Variants in FSTL4 observed in about 807,000 individuals in gnomAD.
The protein encoded by FSTL4 is follistatin like 4.
In FSTL4, 28 loss-of-function variants were observed where a neutral mutation model predicts 78.2. The ratio of observed to expected loss-of-function variants is 0.36; its 90% CI spans 0.27 to 0.49. The LOEUF (loss-of-function observed/expected upper bound fraction) is 0.49, where lower values mean the gene tolerates loss of function less well. Among genes scored for constraint, FSTL4 ranks in the 20% least tolerant of loss-of-function variants. The pLI is 0.98. For missense variants in FSTL4, 922 were observed against 1,084.9 expected, an observed-to-expected ratio of 0.85 and a Z score of 2.11; for synonymous variants, 422 against 440.5, an observed-to-expected ratio of 0.96 and a Z score of 0.53.
At chr5:133,291,508 G>C (rs948741808) in intron 6 of FSTL4, among the ~76,000 whole-genome samples, 7 of 152,198 alleles carry the variant, frequency 4.6e-5, no homozygotes, top group Admixed American at 3.9e-4. Context: ...TGGCTTACAA[G>C]GCCTAAGATG....
the FSTL4 span, among the ~76,000 whole-genome samples, chr5:133,643,912 G>T: frequency 3.9e-5 from 6 of 152,246 alleles, no homozygotes; most frequent in African/African-American, 1.2e-4. Flanking sequence ...AGCATGCAAA[G>T]AAGACATAAG....
At chr5:133,655,764 T>C in the FSTL4 span, among the ~76,000 whole-genome samples, 1 of 152,144 alleles carries the variant, frequency 6.6e-6, no homozygotes, top group African/African-American at 2.4e-5. Flanking sequence ...TTATTTTAGT[T>C]GGGGTGTTCA....
intron 3 of FSTL4, among the ~76,000 whole-genome samples, chr5:133,466,201 A>G (rs1757703074): frequency 6.6e-6 from 1 of 152,224 alleles, no homozygotes; most frequent in South Asian, 2.1e-4. Context: ...TCTCTTCCCC[A>G]GGGTTCTCAT....
intron 3 of FSTL4, among the ~76,000 whole-genome samples, chr5:133,507,672 G>A (rs528908866): frequency 7.3e-5 from 11 of 151,692 alleles, no homozygotes; most frequent in African/African-American, 1.7e-4. Flanking sequence ...ACAGGCGCCC[G>A]ACACCATGCC....
chr5:133,384,984 C>T (rs1755664503), intron 4 of FSTL4, among the ~76,000 whole-genome samples: 1 of 152,220 alleles, frequency 6.6e-6, no homozygotes, highest in East Asian at 1.9e-4. Context: ...TCATTTAGTA[C>T]TCAGTCCAGA....
At chr5:133,517,937 G>A (rs751106042) in intron 3 of FSTL4, among the ~76,000 whole-genome samples, 1 of 152,172 alleles carries the variant, frequency 6.6e-6, no homozygotes, top group Non-Finnish European at 1.5e-5. Context: ...CCCACATTAT[G>A]GAGGGTAATC....
intron 6 of FSTL4, among the ~76,000 whole-genome samples, chr5:133,311,270 G>A (rs1170748336): frequency 6.6e-6 from 1 of 152,126 alleles, no homozygotes; most frequent in Non-Finnish European, 1.5e-5. Context: ...TCCGCAGCAG[G>A]ATAAGCCTAC....
At chr5:133,818,457 G>A in the FSTL4 span, among the ~76,000 whole-genome samples, 11 of 152,160 alleles carry the variant, frequency 7.2e-5, no homozygotes, top group African/African-American at 2.7e-4. Flanking sequence ...CTACTGGAGA[G>A]GGGAGCCGGC....
chr5:133,619,451 A>G, the FSTL4 span, among the ~76,000 whole-genome samples: 1 of 152,228 alleles, frequency 6.6e-6, no homozygotes, highest in South Asian at 2.1e-4. Context: ...CGAAATGTAA[A>G]TAAAAACCCG....
the FSTL4 span, among the ~76,000 whole-genome samples, chr5:133,667,372 A>T: frequency 6.6e-6 from 1 of 152,206 alleles, no homozygotes; most frequent in Non-Finnish European, 1.5e-5. Context: ...GTCCTCCTAC[A>T]ATCTGACTTT....
At chr5:133,840,756 G>A in the FSTL4 span, among the ~76,000 whole-genome samples, 31 of 152,346 alleles carry the variant, frequency 2.0e-4, no homozygotes, top group African/African-American at 6.5e-4. Flanking sequence ...GCAAGCACCC[G>A]TACTCCAAAA....
At chr5:133,517,159 A>T (rs776651971) in intron 3 of FSTL4, among the ~76,000 whole-genome samples, 1 of 151,692 alleles carries the variant, frequency 6.6e-6, no homozygotes, top group Non-Finnish European at 1.5e-5. Context: ...TCAGTGGCAC[A>T]TGTCTGTAAT....
intron 13 of FSTL4, among the ~76,000 whole-genome samples, chr5:133,215,259 A>G (rs1471657839): frequency 6.6e-6 from 1 of 151,828 alleles, no homozygotes; most frequent in East Asian, 1.9e-4. Context: ...CTCCTTACTG[A>G]TCTTTAAATG....
chr5:133,239,722 C>G (rs1453596500), intron 7 of FSTL4, among the ~76,000 whole-genome samples: 2 of 152,124 alleles, frequency 1.3e-5, no homozygotes, highest in Non-Finnish European at 2.9e-5. Context: ...TGTGAATGCA[C>G]CAATCGGCAC....
chr5:133,675,099 C>A, the FSTL4 span, among the ~76,000 whole-genome samples: 1 of 151,556 alleles, frequency 6.6e-6, no homozygotes. Context: ...GGTGTTGGGG[C>A]AGGGGGGTCC....
At chr5:133,544,735 G>C (rs1359084680) in intron 3 of FSTL4, among the ~76,000 whole-genome samples, 3 of 152,182 alleles carry the variant, frequency 2.0e-5, no homozygotes, top group African/African-American at 7.2e-5. Context: ...GCAACTTACA[G>C]AAAAGGAGCC....
chr5:133,322,619 C>T (rs1197984929), intron 4 of FSTL4, among the ~76,000 whole-genome samples: 2 of 152,166 alleles, frequency 1.3e-5, no homozygotes, highest in East Asian at 3.9e-4. Flanking sequence ...GAACACACCG[C>T]AGAATTGCTT....
At chr5:133,397,694 C>T (rs1471087018) in intron 4 of FSTL4, among the ~76,000 whole-genome samples, 1 of 152,134 alleles carries the variant, frequency 6.6e-6, no homozygotes, top group Non-Finnish European at 1.5e-5. Context: ...TGAACTGTAG[C>T]AGCTTAGCCC....
chr5:133,552,918 T>C (rs1759717307), intron 3 of FSTL4, among the ~76,000 whole-genome samples: 1 of 152,168 alleles, frequency 6.6e-6, no homozygotes. Flanking sequence ...GAGAGATATA[T>C]GTGTGCAAGT....
Sources: gnomAD v4.1 joint callset for allele counts (sites outside exome capture counted in the v4.1 genomes callset) on GRCh38, gnomAD v4.1.1 for gene constraint, MANE v1.5 for transcripts, NCBI Gene and HGNC (gene_info 2026-07-23, HGNC 2026-07-21) for gene names.